Variants in TANK observed in about 807,000 individuals in gnomAD.
TANK encodes the protein TRAF family member-associated NF-kappa-B activator.
In TANK, 15 loss-of-function variants were observed where a neutral mutation model predicts 43.6. That is an observed-to-expected ratio of 0.34 (90% CI 0.23 to 0.53). The LOEUF is 0.53. Among genes scored for constraint, TANK ranks in the 20% least tolerant of loss-of-function variants. TANK has a pLI of 0.94. For synonymous variants in TANK, 162 were observed against 178.2 expected, an observed-to-expected ratio of 0.91 and a Z score of 0.73; for missense variants, 417 against 498.6, an observed-to-expected ratio of 0.84 and a Z score of 1.56.
chr2:161,200,315 T>C, intron 2 of TANK: 4 of 980,220 alleles, frequency 4.1e-6, no homozygotes, highest in Non-Finnish European at 4.8e-6. Flanking sequence ...TTTAAAAAAA[T>C]ACTATGACTG....
chr2:161,199,031 C>A lies in TANK; in HGVS notation c.100-4456C>A, dbSNP rs796336247. ...AAAATTGAAGTTGATTCTTAGCTTA[C>A]CAAAATTTCAAGATGTATTTTAATT... is the stretch of plus-strand genomic sequence containing the variant. On this transcript the variant is annotated intron_variant, in intron 2 of 7. Transcript: ENST00000392749. 5.2e-4 allele frequency among the ~76,000 whole-genome samples: 79 copies of A among 152,146 alleles called. 1 individual carries two copies. Among genetic ancestry groups the A allele is most frequent in the African/African-American group, 1.8e-3 (75 of 41,510 alleles).
At chr2:161,149,470 TTTTA>T (rs942768069) in intron 1 of TANK, among the ~76,000 whole-genome samples, 22 of 152,306 alleles carry the variant, frequency 1.4e-4, no homozygotes, top group African/African-American at 5.1e-4. Context: ...TTTGGATGGC[TTTTA>T]TTTCTTTTTC....
At chr2:161,204,008 A>G (rs1686536226) in intron 3 of TANK, among the ~76,000 whole-genome samples, 1 of 152,280 alleles carries the variant, frequency 6.6e-6, no homozygotes, top group African/African-American at 2.4e-5. Flanking sequence ...ACAAATATTC[A>G]GTAGTTACAC....
intron 4 of TANK, among the ~76,000 whole-genome samples, chr2:161,214,277 C>T (rs1363634312): frequency 3.9e-5 from 6 of 152,018 alleles, no homozygotes; most frequent in Non-Finnish European, 8.8e-5. Flanking sequence ...TTCTTTCAAG[C>T]AAAAATGGCA....
chr2:161,160,612 A>C, intron 1 of TANK, 126 bp downstream of exon 1: 1 of 794,814 alleles, frequency 1.3e-6, no homozygotes, highest in South Asian at 2.6e-5. Context: ...GCCGAGGAGC[A>C]GCGGAGACAA....
intron 2 of TANK, among the ~76,000 whole-genome samples, chr2:161,184,028 G>A (rs1279865322): frequency 2.0e-5 from 3 of 152,010 alleles, no homozygotes; most frequent in Non-Finnish European, 4.4e-5. Flanking sequence ...AATGTGAGTC[G>A]ATACTTGAGC....
rs115182911 is a variant in TANK, at chr2:161,169,501, G to A, written c.-50+9015G>A. On this transcript the variant is annotated intron_variant, in intron 1 of 7. Coordinates refer to ENST00000392749, the MANE Select transcript of TANK (RefSeq NM_001199135.3). ...AGGTAGGGGATATTTAAAGAGAGCT[G>A]AATCCTAATTTTCCATAATGAAGAG... Among the ~76,000 whole-genome samples the A allele has an allele frequency of 7.9e-3, 1,200 of 152,212 alleles. 11 individuals are homozygous for A. Among genetic ancestry groups the A allele is most frequent in the Admixed American group, 0.012 (181 of 15,288 alleles).
chr2:161,152,066 C>T (rs2105230133), intron 1 of TANK, among the ~76,000 whole-genome samples: 1 of 152,252 alleles, frequency 6.6e-6, no homozygotes, highest in East Asian at 1.9e-4. Context: ...TACTAAGCAG[C>T]TTAATCACCC....
At chr2:161,235,318 G>T in intron 7 of TANK, 24 bp from the exon 8 acceptor site, 1 of 1,568,570 alleles carries the variant, frequency 6.4e-7, no homozygotes, top group Non-Finnish European at 8.6e-7. Context: ...ATAAGTAACA[G>T]ATATTTTTGT....
chr2:161,164,216 G>C (rs1040804254), intron 1 of TANK, among the ~76,000 whole-genome samples: 1 of 152,154 alleles, frequency 6.6e-6, no homozygotes, highest in African/African-American at 2.4e-5. Context: ...ATAAAGCTTC[G>C]CTATTTCGAT....
At chr2:161,226,117 A>C (rs553274492) in intron 6 of TANK, among the ~76,000 whole-genome samples, 29 of 152,274 alleles carry the variant, frequency 1.9e-4, no homozygotes, top group African/African-American at 7.0e-4. Context: ...GAACATCAAC[A>C]TCTTTTCAAG....
At chr2:161,174,406 A>C (rs901405125) in intron 1 of TANK, among the ~76,000 whole-genome samples, 1 of 152,144 alleles carries the variant, frequency 6.6e-6, no homozygotes, top group African/African-American at 2.4e-5. Flanking sequence ...AGGACACTCT[A>C]TATATAAAGT....
At chr2:161,159,527 A>G (rs939189602), upstream of TANK, among the ~76,000 whole-genome samples, 4 of 152,266 alleles carry the variant, frequency 2.6e-5, no homozygotes, top group African/African-American at 9.6e-5. Flanking sequence ...TGTTTCAAAT[A>G]TATTTAGGCT....
At chr2:161,156,046 A>G (rs1684217776), upstream of TANK, 3 of 982,338 alleles carry the variant, frequency 3.1e-6, no homozygotes, top group Admixed American at 6.1e-5. Context: ...AGTCCTTTTC[A>G]TTTTTACAAA....
chr2:161,190,357 G>T (rs1001380153), intron 2 of TANK, among the ~76,000 whole-genome samples: 15 of 152,132 alleles, frequency 9.9e-5, no homozygotes, highest in Non-Finnish European at 1.5e-5. Context: ...TAGTAGGAAT[G>T]TAAAATAATG....
At chr2:161,149,719 TG>T (rs1340716977) in intron 1 of TANK, among the ~76,000 whole-genome samples, 1 of 150,538 alleles carries the variant, frequency 6.6e-6, no homozygotes, top group African/African-American at 2.4e-5. Context: ...AATGCCTTTT[TG>T]CGTCAGTGGA....
intron 2 of TANK, among the ~76,000 whole-genome samples, chr2:161,181,937 A>G (rs910888277): frequency 7.9e-5 from 12 of 152,150 alleles, no homozygotes; most frequent in African/African-American, 2.7e-4. Flanking sequence ...AAAAATTACT[A>G]GCCTGTGAAA....
chr2:161,218,231 G>T (rs1293264679), intron 4 of TANK, among the ~76,000 whole-genome samples: 1 of 152,192 alleles, frequency 6.6e-6, no homozygotes, highest in Middle Eastern at 3.4e-3. Flanking sequence ...TCAAAACATG[G>T]CCTGTAACTG....
intron 1 of TANK, chr2:161,162,625 GTCA>G (rs949776419): frequency 6.6e-6 from 1 of 151,936 alleles, no homozygotes; most frequent in Non-Finnish European, 1.5e-5. Context: ...TTTTTATTAT[GTCA>G]TCATTAAATA....
Sources: gnomAD v4.1 joint callset for allele counts (sites outside exome capture counted in the v4.1 genomes callset) on GRCh38, gnomAD v4.1.1 for gene constraint, MANE v1.5 for transcripts, NCBI Gene and HGNC (gene_info 2026-07-23, HGNC 2026-07-21) for gene names.